Variants in ATP6V1H observed in about 807,000 individuals in gnomAD.
ATP6V1H encodes the protein V-type proton ATPase subunit H.
Under a neutral mutation model 71.7 loss-of-function variants are expected in ATP6V1H, and 39 were observed. The observed-to-expected ratio is 0.54, with a 90% CI of 0.42 to 0.71. The LOEUF (loss-of-function observed/expected upper bound fraction) is 0.71. Among genes scored for constraint, ATP6V1H ranks in the 30% least tolerant of loss-of-function variants. The probability of loss-of-function intolerance (pLI) is 0.00; values close to 1 mark genes in which losing one functional copy is unlikely to be tolerated. For missense variants in ATP6V1H, 509 were observed against 594.9 expected (o/e 0.86, Z 1.50); for synonymous variants, 192 against 199.3 (o/e 0.96, Z 0.31).
At chr8:53,755,607 C>T (rs940170228) in intron 12 of ATP6V1H, among the ~76,000 whole-genome samples, 1 of 141,568 alleles carries the variant, frequency 7.1e-6, no homozygotes, top group African/African-American at 2.6e-5. Flanking sequence ...AAAAAATAGC[C>T]AGTGCTCGCA....
At position 53,843,141 on chromosome 8, in the gene ATP6V1H, G is replaced by C. The variant is rs1313969285; in HGVS notation, c.-143C>G. On this transcript the variant is annotated 5_prime_UTR_variant, in exon 1 of 14. Transcript: ENST00000359530. ...GGCGCCGCGTCAGAGCCAAGTAGGC[G>C]TCTCCTGTCAGGTCCAGAGGTCTGA... The C allele has an allele frequency of 1.3e-5, 2 of 152,408 alleles. No homozygotes were observed. The highest frequency in any genetic ancestry group is 1.9e-4 in the East Asian group (1 of 5,192). The allele number at this position is 152,408 out of a possible 1,614,324, so 9.4% of individuals were successfully genotyped here. A position where few individuals can be genotyped will look rare whatever the true frequency, so the allele number is the denominator to read the frequency against.
At chr8:53,739,134 T>TTTAGAAATTAGAATTCTAATTTAGAAA (rs1157710758) in intron 13 of ATP6V1H, among the ~76,000 whole-genome samples, 2 of 151,446 alleles carry the variant, frequency 1.3e-5, no homozygotes, top group East Asian at 3.8e-4. Flanking sequence ...TAGAAATTAA[T>TTTAGAAATTAGAATTCTAATTTAGAAA]TTAGAAATTA....
intron 9 of ATP6V1H, among the ~76,000 whole-genome samples, chr8:53,777,275 G>A (rs569212158): frequency 6.6e-6 from 1 of 152,144 alleles, no homozygotes; most frequent in South Asian, 2.1e-4. Flanking sequence ...ACACATCAAA[G>A]TCAATCTTCA....
chr8:53,839,471 T>C (rs1210103038), intron 2 of ATP6V1H, among the ~76,000 whole-genome samples: 3 of 152,158 alleles, frequency 2.0e-5, no homozygotes, highest in African/African-American at 4.8e-5. Flanking sequence ...TTCCTTAAAG[T>C]AGGAATCCAG....
chr8:53,829,806 T>G (rs912525037), intron 3 of ATP6V1H, among the ~76,000 whole-genome samples: 12 of 152,196 alleles, frequency 7.9e-5, no homozygotes, highest in African/African-American at 2.9e-4. Context: ...AACTCTTGAT[T>G]ACCGACGACG....
chr8:53,769,812 A>AT, intron 10 of ATP6V1H, 69 bp from the exon 11 acceptor site: 2 of 1,342,424 alleles, frequency 1.5e-6, no homozygotes. Flanking sequence ...AAGCAAAATA[A>AT]AATGTCTTCA....
rs59822523 is a variant in ATP6V1H, at chr8:53,765,454, AACACACACACACACACACACACACAC to A, written c.1175+4138_1175+4163del. 1.8e-4 allele frequency among the ~76,000 whole-genome samples: 13 copies of A among 74,130 alleles called. 1 individual carries two copies. In the Admixed American group the frequency reaches 2.3e-3, roughly 13 times the overall value. The allele number at this position is 74,130 out of a possible 152,430, so 48.6% of individuals were successfully genotyped here. On this transcript the variant is annotated intron_variant, in intron 11 of 13. Coordinates refer to ENST00000359530, the MANE Select transcript of ATP6V1H (RefSeq NM_015941.4). ...GAGGGTGGTGGACAACAACAACAAC[AACACACACACACACACACACACACAC>A]ACACACACACACACACACACAAGAC...
At chr8:53,770,892 A>G (rs899923570) in intron 10 of ATP6V1H, among the ~76,000 whole-genome samples, 26 of 152,336 alleles carry the variant, frequency 1.7e-4, no homozygotes, top group South Asian at 2.1e-4. Flanking sequence ...CCTGCCTATT[A>G]TAATCAATGT....
intron 6 of ATP6V1H, among the ~76,000 whole-genome samples, chr8:53,813,003 A>C (rs1015680886): frequency 2.0e-5 from 3 of 152,202 alleles, no homozygotes; most frequent in Admixed American, 2.0e-4. Context: ...CCTGGAATGA[A>C]GTTTATTTAA....
At chr8:53,741,900 CAACT>C (rs1807426648) in intron 13 of ATP6V1H, among the ~76,000 whole-genome samples, 3 of 152,168 alleles carry the variant, frequency 2.0e-5, no homozygotes, top group Non-Finnish European at 4.4e-5. Flanking sequence ...GCCAAGCCAC[CAACT>C]ACCTCAGCCC....
chr8:53,765,170 G>A (rs1324352195), intron 11 of ATP6V1H, among the ~76,000 whole-genome samples: 1 of 152,052 alleles, frequency 6.6e-6, no homozygotes, highest in Non-Finnish European at 1.5e-5. Flanking sequence ...TTGGGAGGCT[G>A]AGGTGGGCAG....
chr8:53,755,034 G>T (rs1807953784), intron 12 of ATP6V1H, among the ~76,000 whole-genome samples: 1 of 152,190 alleles, frequency 6.6e-6, no homozygotes, highest in East Asian at 1.9e-4. Flanking sequence ...AAATTTTTCA[G>T]TAAGGTTAAA....
At chr8:53,833,243 T>C in intron 2 of ATP6V1H, 157 bp from the exon 3 acceptor site, 2 of 579,994 alleles carry the variant, frequency 3.4e-6, no homozygotes, top group Non-Finnish European at 6.1e-6. Context: ...AATGCTTAGT[T>C]TCTCCACAAA....
intron 12 of ATP6V1H, among the ~76,000 whole-genome samples, chr8:53,751,921 G>A (rs1193419733): frequency 2.0e-5 from 3 of 152,104 alleles, no homozygotes; most frequent in Non-Finnish European, 4.4e-5. Context: ...GCCCACCTTG[G>A]CCTCCCAAAG....
At chr8:53,781,027 A>T (rs1029546965) in intron 9 of ATP6V1H, among the ~76,000 whole-genome samples, 7 of 152,226 alleles carry the variant, frequency 4.6e-5, no homozygotes, top group Non-Finnish European at 8.8e-5. Context: ...TTATAGCAGC[A>T]TGATTTATAA....
chr8:53,761,782 G>C (rs1028223538), intron 11 of ATP6V1H, among the ~76,000 whole-genome samples: 1 of 152,212 alleles, frequency 6.6e-6, no homozygotes, highest in Non-Finnish European at 1.5e-5. Context: ...AAACAACAGA[G>C]ATAGGTGGGC....
chr8:53,734,455 C>T (rs1807128002), intron 13 of ATP6V1H, among the ~76,000 whole-genome samples: 1 of 152,134 alleles, frequency 6.6e-6, no homozygotes, highest in Admixed American at 6.5e-5. Flanking sequence ...TACTTCAGCC[C>T]AGAAGGATGA....
chr8:53,800,480 T>G (rs971610654), intron 8 of ATP6V1H, among the ~76,000 whole-genome samples: 2 of 152,200 alleles, frequency 1.3e-5, no homozygotes, highest in Non-Finnish European at 2.9e-5. Context: ...CTAACAATAA[T>G]GGTGAAATGG....
At chr8:53,808,225 A>G (rs1286974323) in intron 7 of ATP6V1H, among the ~76,000 whole-genome samples, 1 of 152,234 alleles carries the variant, frequency 6.6e-6, no homozygotes, top group Non-Finnish European at 1.5e-5. Flanking sequence ...ACAAATCCCC[A>G]GGTTCTTTCT....
Sources: gnomAD v4.1 joint callset for allele counts (sites outside exome capture counted in the v4.1 genomes callset) on GRCh38, gnomAD v4.1.1 for gene constraint, MANE v1.5 for transcripts, NCBI Gene and HGNC (gene_info 2026-07-23, HGNC 2026-07-21) for gene names.